The following KNL1 variants were observed in gnomAD, a reference collection of about 807,000 sequenced individuals.
KNL1 encodes outer kinetochore KNL1 complex subunit KNL1.
A neutral mutation model predicts 201.3 loss-of-function variants in KNL1; 66 were observed. The observed-to-expected ratio is 0.33, with a 90% CI of 0.27 to 0.40. The LOEUF (loss-of-function observed/expected upper bound fraction) is 0.40. Ranked by LOEUF, KNL1 falls within the 10% of genes least tolerant of loss-of-function variation. The probability of loss-of-function intolerance (pLI) is 1.00; values close to 1 mark genes in which losing one functional copy is unlikely to be tolerated. For missense variants in KNL1, 2,815 were observed against 2,690.5 expected, an observed-to-expected ratio of 1.05 and a Z score of -1.02; for synonymous variants, 895 against 899.2, an observed-to-expected ratio of 1.00 and a Z score of 0.08.
chr15:40,629,471 C>CTTT (rs11368953), intron 13 of KNL1, 100 bp downstream of exon 13: 286 of 192,066 alleles, frequency 1.5e-3, no homozygotes, highest in South Asian at 2.9e-3. Context: ...AGAGAGTTTT[C>CTTT]TTTTTTTTTT....
Position 40,650,364 on chromosome 15 carries a change from G to T in KNL1, c.6158G>T (p.Arg2053Ile). The T allele has an allele frequency of 6.2e-7, 1 of 1,612,352 alleles. No homozygotes were observed. Among genetic ancestry groups the T allele is most frequent in the South Asian group, 1.1e-5 (1 of 90,946 alleles). ...GTGGAAGAATGGGATTCTGAAATGAGAGCTGCAGAAAAAGGTAATTGAATT... is the reference window on the plus strand; with the variant it reads ...GTGGAAGAATGGGATTCTGAAATGATAGCTGCAGAAAAAGGTAATTGAATT... ...NPVEEWDSEM[R>I]AAEKELEQLK... Residue 2053 changes from arginine to isoleucine, a missense_variant, in exon 18 of 26, where the codon AGA (arginine) becomes ATA (isoleucine). Physicochemically the swap from Arg to Ile is moderately conservative, Grantham distance 97. Coordinates refer to ENST00000399668, the MANE Select transcript of KNL1 (RefSeq NM_144508.5).
At chr15:40,659,894 ATGTG>A (rs776409302) in intron 25 of KNL1, among the ~76,000 whole-genome samples, 35 of 146,966 alleles carry the variant, frequency 2.4e-4, no homozygotes, top group East Asian at 1.0e-3. Context: ...TGAAGAATTT[ATGTG>A]TGTGTGTGTG....
At chr15:40,661,448 T>C (rs1157388406) in intron 25 of KNL1, among the ~76,000 whole-genome samples, 1 of 152,038 alleles carries the variant, frequency 6.6e-6, no homozygotes, top group East Asian at 1.9e-4. Flanking sequence ...GCCTAGATTG[T>C]GCCACTAACT....
Position 40,622,785 on chromosome 15 carries a change from G to A in KNL1, c.2521G>A (p.Glu841Lys). ...ESVQKPKFPKEKQNVKIWGRK... is the reference protein window; with the variant it reads ...ESVQKPKFPKKKQNVKIWGRK... Reference sequence around the variant, plus strand: ...TGTACAGAAACCTAAATTTCCAAAGGAAAAGCAAAATGTCAAAATTTGGGG... The same window carrying A: ...TGTACAGAAACCTAAATTTCCAAAGAAAAAGCAAAATGTCAAAATTTGGGG... The change falls in exon 10 of 26, where the codon GAA becomes AAA. Residue 841 changes from glutamate to lysine, a missense_variant. Glu to Lys is a moderately conservative substitution (Grantham distance 56). Transcript: ENST00000399668. 1 of 1,612,508 alleles carries A rather than the reference G, an allele frequency of 6.2e-7. No homozygotes were observed. The highest frequency in any genetic ancestry group is 8.5e-7 in the Non-Finnish European group (1 of 1,179,460).
intron 1 of KNL1, among the ~76,000 whole-genome samples, chr15:40,602,053 G>A (rs372144763): frequency 1.3e-3 from 192 of 147,256 alleles, no homozygotes; most frequent in African/African-American, 4.7e-3. Context: ...TTTTTGAGAC[G>A]GAGTCTTGCT....
At position 40,628,111 on chromosome 15, in the gene KNL1, T is replaced by C; in HGVS notation, c.5418T>C (p.Ala1806=). 1.9e-6 allele frequency: 3 copies of C among 1,611,062 alleles called. No homozygotes were observed. Among genetic ancestry groups the C allele is most frequent in the Non-Finnish European group, 2.5e-6 (3 of 1,179,038 alleles). The change falls in exon 11 of 26, where the codon GCT becomes GCC. Residue 1806 remains alanine, a synonymous_variant. Transcript: ENST00000399668. ...HHTEEDIDKS[A]NSVLIKNLSR... ...CTGAAGAGGATATAGATAAAAGTGC[T>C]AACAGTGTATTGATAAAAAACCTGA...
chr15:40,649,753 T>C (rs1246846290), intron 17 of KNL1, among the ~76,000 whole-genome samples: 1 of 152,190 alleles, frequency 6.6e-6, no homozygotes, highest in Non-Finnish European at 1.5e-5. Flanking sequence ...TATAGGCACA[T>C]GCCACTAGCC....
rs753076145 is a variant in KNL1, at chr15:40,650,303, A to G, written c.6097A>G (p.Thr2033Ala). 5 of 1,595,454 alleles carry G rather than the reference A, an allele frequency of 3.1e-6. No homozygotes were observed. Among genetic ancestry groups the G allele is most frequent in the Non-Finnish European group, 4.3e-6 (5 of 1,163,862 alleles). The change falls in exon 18 of 26, where the codon ACT becomes GCT. Residue 2033 changes from threonine (T) to alanine (A), a missense_variant and splice_region_variant. Coordinates refer to ENST00000399668, the MANE Select transcript of KNL1 (RefSeq NM_144508.5). ...DNCLTEMETETKNLEDEEKNN... is the reference protein window; with the variant it reads ...DNCLTEMETEAKNLEDEEKNN... ...CTAACAAATACTGTCTACTTTAGAA[A>G]CTAAGAATTTGGAGGATGAAGAGAA...
rs1362103145 is a variant in KNL1, at chr15:40,621,579, A to G, written c.1315A>G (p.Met439Val). The part of the protein sequence containing the change: ...FYSSCNDAME[M>V]TKCLSNMREE... ...TTCTAGTTGTAATGATGCCATGGAA[A>G]TGACCAAATGTCTCTCAAATATGAG... Residue 439 changes from methionine (M) to valine (V), a missense_variant, in exon 10 of 26, where the codon ATG (methionine) becomes GTG (valine). Physicochemically the swap from Met to Val is conservative, Grantham distance 21. This residue lies in a region of KNL1 where 2,464 missense variants were observed against 2,291.7 expected (regional missense o/e 1.08). Coordinates refer to ENST00000399668, the MANE Select transcript of KNL1 (RefSeq NM_144508.5). 1 of 1,609,830 alleles carries G rather than the reference A, an allele frequency of 6.2e-7. No individual in the cohort carries two copies.
rs952245951 is a variant in KNL1, at chr15:40,622,560, A to G, written c.2296A>G (p.Lys766Glu). 2 of 1,613,838 alleles carry G rather than the reference A, an allele frequency of 1.2e-6. No homozygotes were observed. The highest frequency in any genetic ancestry group is 2.2e-5 in the South Asian group (2 of 91,050). ...GGAAGAGCAAAATATGGATCTAACA[A>G]AGAGCCACACTGTCGTCATTGGATT... ...SEEEQNMDLTKSHTVVIGFGP... is the reference protein window; with the variant it reads ...SEEEQNMDLTESHTVVIGFGP... Residue 766 changes from lysine (K) to glutamate (E), a missense_variant, in exon 10 of 26, where the codon AAG (lysine) becomes GAG (glutamate). Physicochemically the swap from Lys to Glu is moderately conservative, Grantham distance 56 (BLOSUM62 1). This residue lies in a region of KNL1 where 2,464 missense variants were observed against 2,291.7 expected (regional missense o/e 1.08). Coordinates refer to ENST00000399668, the MANE Select transcript of KNL1 (RefSeq NM_144508.5).
In KNL1 at chr15:40,606,395, A is replaced by G. The variant is rs1405447453; in HGVS notation, c.78A>G (p.Ile26Met). 1.3e-6 allele frequency: 2 copies of G among 1,562,388 alleles called. No individual in the cohort carries two copies. Among genetic ancestry groups the G allele is most frequent in the Non-Finnish European group, 1.8e-6 (2 of 1,133,862 alleles). Residue 26 changes from isoleucine to methionine, a missense_variant and splice_region_variant, in exon 4 of 26, where the codon ATA (isoleucine) becomes ATG (methionine). Ile to Met is a conservative substitution (Grantham distance 10, BLOSUM62 1). Coordinates refer to ENST00000399668, the MANE Select transcript of KNL1 (RefSeq NM_144508.5). Reference protein sequence around the residue: ...ERPVRRRHSSILKPPRSPLQD... With the variant: ...ERPVRRRHSSMLKPPRSPLQD... ...AATAATTCTAATTGTTACCCTAGAT[A>G]TTGAAACCCCCAAGGAGTCCTCTTC...
chr15:40,650,111 C>G, intron 17 of KNL1, 190 bp from the exon 18 acceptor site: 1 of 471,114 alleles, frequency 2.1e-6, no homozygotes, highest in Non-Finnish European at 3.8e-6. Flanking sequence ...GACTACCTTA[C>G]TTTCTCTTTC....
At chr15:40,600,700 G>A (rs1240274581) in intron 1 of KNL1, among the ~76,000 whole-genome samples, 1 of 152,192 alleles carries the variant, frequency 6.6e-6, no homozygotes, top group Non-Finnish European at 1.5e-5. Context: ...TGCTAATATG[G>A]TTGAGTCAAA....
At chr15:40,632,551 A>G (rs539678482) in intron 13 of KNL1, among the ~76,000 whole-genome samples, 1 of 152,130 alleles carries the variant, frequency 6.6e-6, no homozygotes, top group Non-Finnish European at 1.5e-5. Context: ...GCAAGGAGCC[A>G]AGATTGTACC....
At position 40,625,542 on chromosome 15, in the gene KNL1, C is replaced by CA; in HGVS notation, c.5284dup (p.Arg1762LysfsTer12). 1 of 1,605,404 alleles carries CA rather than the reference C, an allele frequency of 6.2e-7. No individual in the cohort carries two copies. Among genetic ancestry groups the CA allele is most frequent in the Non-Finnish European group, 8.5e-7 (1 of 1,177,802 alleles). On this transcript the variant is annotated frameshift_variant, in exon 10 of 26. Transcript: ENST00000399668. LOFTEE classifies it high-confidence loss of function. ...TAAAATGGGAAAAACTTGCAATAGC[C>CA]AAAAAAGAACGTGGGTACAAGAAGA...
rs769088878 is a variant in KNL1, at chr15:40,624,521, G to A, written c.4257G>A (p.Lys1419=). The part of the protein sequence containing the change: ...DLGEMTKLNS[K]RVSFKLPKDQ... Reference sequence around the variant, plus strand: ...GGGAGATGACTAAACTTAATTCAAAGCGAGTATCTTTTAAGCTTCCAAAGG... The same window carrying A: ...GGGAGATGACTAAACTTAATTCAAAACGAGTATCTTTTAAGCTTCCAAAGG... The change falls in exon 10 of 26, where the codon AAG becomes AAA. Residue 1419 remains lysine (K), a synonymous_variant. Coordinates refer to ENST00000399668, the MANE Select transcript of KNL1 (RefSeq NM_144508.5). 1.9e-6 allele frequency: 3 copies of A among 1,613,664 alleles called. No homozygotes were observed. Among genetic ancestry groups the A allele is most frequent in the African/African-American group, 1.3e-5 (1 of 75,012 alleles).
Position 40,623,794 on chromosome 15 carries a change from A to G in KNL1, c.3530A>G (p.Gln1177Arg), listed in dbSNP as rs1892636004. The G allele has an allele frequency of 6.2e-7, 1 of 1,613,892 alleles. No homozygotes were observed. Among genetic ancestry groups the G allele is most frequent in the Non-Finnish European group, 8.5e-7 (1 of 1,179,894 alleles). The change falls in exon 10 of 26, where the codon CAA (glutamine) becomes CGA (arginine). Residue 1177 changes from glutamine (Q) to arginine (R), a missense_variant. Physicochemically the swap from Gln to Arg is conservative, Grantham distance 43. This residue lies in a region of KNL1 where 2,464 missense variants were observed against 2,291.7 expected (regional missense o/e 1.08). Transcript: ENST00000399668. ...TDSHTVFIDC[Q>R]ATEKILEENP... Reference sequence around the variant, plus strand: ...TCCCATACTGTTTTCATTGACTGTCAAGCCACAGAGAAAATACTTGAAGAA... The same window carrying G: ...TCCCATACTGTTTTCATTGACTGTCGAGCCACAGAGAAAATACTTGAAGAA...
chr15:40,656,297 G>C (rs1893730364), intron 22 of KNL1, among the ~76,000 whole-genome samples: 1 of 152,096 alleles, frequency 6.6e-6, no homozygotes, highest in African/African-American at 2.4e-5. Context: ...GCTGGGCATT[G>C]TGGTGTGTGC....
At chr15:40,596,428 C>T (rs1260862077) in intron 1 of KNL1, among the ~76,000 whole-genome samples, 1 of 152,072 alleles carries the variant, frequency 6.6e-6, no homozygotes, top group African/African-American at 2.4e-5. Flanking sequence ...AGGCACCCGC[C>T]ACCATGCGCA....
Sources: gnomAD v4.1 joint callset for allele counts (sites outside exome capture counted in the v4.1 genomes callset) on GRCh38, gnomAD v4.1.1 for gene constraint, gnomAD v4.1.1 regional missense constraint, MANE v1.5 for transcripts, NCBI Gene and HGNC (gene_info 2026-07-23, HGNC 2026-07-21) for gene names.